The following EIPR1 variants were observed in gnomAD, a reference collection of about 807,000 sequenced individuals.
EIPR1 encodes EARP complex and GARP complex interacting protein 1, also known as EARP and GARP complex-interacting protein 1.
A neutral mutation model predicts 48.1 loss-of-function variants in EIPR1; 25 were observed. The ratio of observed to expected loss-of-function variants is 0.52; its 90% CI spans 0.38 to 0.73. The LOEUF (loss-of-function observed/expected upper bound fraction) is 0.73. EIPR1 is among the 30% of genes least tolerant of loss of function. EIPR1 has a pLI of 0.00. For synonymous variants in EIPR1, 204 were observed against 201.9 expected (o/e 1.01, Z -0.09); for missense variants, 415 against 506.2 (o/e 0.82, Z 1.73).
intron 3 of EIPR1, among the ~76,000 whole-genome samples, chr2:3,283,301 G>A (rs1032055243): frequency 2.0e-5 from 3 of 152,254 alleles, no homozygotes; most frequent in South Asian, 2.1e-4. Flanking sequence ...GCAGCATGGC[G>A]CACTGGTCCG....
chr2:3,232,281 C>T (rs750883616), intron 4 of EIPR1, among the ~76,000 whole-genome samples: 1 of 152,088 alleles, frequency 6.6e-6, no homozygotes, highest in Non-Finnish European at 1.5e-5. Context: ...ATTTCAATTG[C>T]TTTTCTCATG....
chr2:3,207,945 C>CAT (rs1378980685), intron 5 of EIPR1: 1 of 152,766 alleles, frequency 6.5e-6, no homozygotes, highest in African/African-American at 2.4e-5. Flanking sequence ...TCACTGACTA[C>CAT]ATATTTTCTT....
intron 4 of EIPR1, among the ~76,000 whole-genome samples, chr2:3,234,724 A>G (rs1440234797): frequency 6.6e-6 from 1 of 152,162 alleles, no homozygotes; most frequent in East Asian, 1.9e-4. Flanking sequence ...ACTGAGCCCC[A>G]CTCCGCGGAA....
At chr2:3,244,107 C>T (rs896177754) in intron 4 of EIPR1, among the ~76,000 whole-genome samples, 5 of 152,234 alleles carry the variant, frequency 3.3e-5, no homozygotes, top group Non-Finnish European at 5.9e-5. Context: ...TGGGAGAGCA[C>T]GGCTGCATCA....
chr2:3,264,254 C>A (rs968775668), intron 3 of EIPR1, among the ~76,000 whole-genome samples: 4 of 152,182 alleles, frequency 2.6e-5, no homozygotes, highest in Non-Finnish European at 4.4e-5. Flanking sequence ...ACTCTCTGTG[C>A]TGGGTTTATT....
At chr2:3,273,294 T>C (rs1168116817) in intron 3 of EIPR1, among the ~76,000 whole-genome samples, 1 of 152,214 alleles carries the variant, frequency 6.6e-6, no homozygotes, top group Admixed American at 6.5e-5. Context: ...AGTAAAGCTG[T>C]TGTTGAAAAC....
intron 3 of EIPR1, chr2:3,300,753 T>G (rs1423884951): frequency 6.6e-6 from 1 of 152,202 alleles, no homozygotes; most frequent in Non-Finnish European, 1.5e-5. Context: ...TACAAATACC[T>G]AATGGTCCAA....
At chr2:3,327,863 T>C (rs1669746202) in intron 3 of EIPR1, among the ~76,000 whole-genome samples, 1 of 151,168 alleles carries the variant, frequency 6.6e-6, no homozygotes, top group Admixed American at 6.6e-5. Flanking sequence ...TATCCTGTAT[T>C]TTTTTTTTCT....
At chr2:3,237,840 A>T (rs973810389) in intron 4 of EIPR1, among the ~76,000 whole-genome samples, 8 of 152,228 alleles carry the variant, frequency 5.3e-5, no homozygotes. Context: ...GTCAACACTG[A>T]GAACAGGCCC....
chr2:3,247,190 A>G (rs1666860997), intron 4 of EIPR1, among the ~76,000 whole-genome samples: 1 of 151,998 alleles, frequency 6.6e-6, no homozygotes, highest in Non-Finnish European at 1.5e-5. Context: ...TTTAAAGGAG[A>G]TTTTCATCAT....
chr2:3,194,273 GC>G, intron 6 of EIPR1, 107 bp from the exon 7 acceptor site: 1 of 1,405,658 alleles, frequency 7.1e-7, no homozygotes, highest in Non-Finnish European at 9.7e-7. Flanking sequence ...TAATCCCCCG[GC>G]CCAGGGTGCT....
chr2:3,226,384 C>T (rs1021475220), intron 4 of EIPR1, among the ~76,000 whole-genome samples: 3 of 152,112 alleles, frequency 2.0e-5, no homozygotes, highest in South Asian at 2.1e-4. Context: ...ACGTTGAGCA[C>T]GTTTTCATAT....
intron 3 of EIPR1, among the ~76,000 whole-genome samples, chr2:3,294,624 AC>A (rs1330376079): frequency 7.0e-5 from 8 of 114,114 alleles, no homozygotes; most frequent in South Asian, 3.0e-4. Flanking sequence ...CTCCACACAC[AC>A]CCTCCATCCA....
intron 4 of EIPR1, among the ~76,000 whole-genome samples, chr2:3,238,105 C>A (rs1666474515): frequency 6.6e-6 from 1 of 152,154 alleles, no homozygotes; most frequent in Non-Finnish European, 1.5e-5. Context: ...GAAATGATCA[C>A]CTTTGCATGC....
chr2:3,290,266 G>A (rs569425411), intron 3 of EIPR1, among the ~76,000 whole-genome samples: 20 of 152,334 alleles, frequency 1.3e-4, no homozygotes, highest in African/African-American at 3.4e-4. Flanking sequence ...GATGCACAAC[G>A]AAGGATGGTG....
At chr2:3,262,469 A>G (rs1395979786) in intron 3 of EIPR1, among the ~76,000 whole-genome samples, 10 of 152,222 alleles carry the variant, frequency 6.6e-5, no homozygotes, top group Non-Finnish European at 1.3e-4. Flanking sequence ...AGCCCTCTTC[A>G]TTCTAGAGGT....
chr2:3,190,795 C>G (rs748127674), intron 8 of EIPR1, among the ~76,000 whole-genome samples: 1 of 152,052 alleles, frequency 6.6e-6, no homozygotes, highest in South Asian at 2.1e-4. Flanking sequence ...TATGGCAGAC[C>G]GAGTTTCTAA....
At chr2:3,369,957 C>CCCCCGAG (rs1227024012) in intron 1 of EIPR1, among the ~76,000 whole-genome samples, 16 of 151,220 alleles carry the variant, frequency 1.1e-4, no homozygotes, top group African/African-American at 3.9e-4. Flanking sequence ...TGACCCCTGA[C>CCCCCGAG]CCCCGAGCAG....
chr2:3,317,233 G>A (rs1669335938), intron 3 of EIPR1, among the ~76,000 whole-genome samples: 1 of 151,754 alleles, frequency 6.6e-6, no homozygotes, highest in African/African-American at 2.4e-5. Context: ...ATGAGGCACT[G>A]ACCAAGCTGA....
Sources: allele counts gnomAD v4.1 joint callset (sites outside exome capture counted in the v4.1 genomes callset), GRCh38; gene constraint gnomAD v4.1.1; transcripts MANE v1.5; gene names NCBI Gene and HGNC (gene_info 2026-07-23, HGNC 2026-07-21).